INTS1: variants seen among roughly 807,000 people sequenced by gnomAD.
INTS1 encodes the protein integrator complex subunit 1.
INTS1 carries 137 observed loss-of-function variants against 241.6 expected under a neutral mutation model. That is an observed-to-expected ratio of 0.57 (90% CI 0.49 to 0.65). INTS1 has a LOEUF of 0.65. INTS1 is among the 30% of genes least tolerant of loss of function. INTS1 has a pLI of 0.00. For missense variants in INTS1, 3,073 were observed against 3,032.2 expected (o/e 1.01, Z -0.32); for synonymous variants, 1,692 against 1,337.8 (o/e 1.26, Z -5.78).
At position 1,470,668 on chromosome 7, in the gene INTS1, C is replaced by A; in HGVS notation, c.6482G>T (p.Arg2161Leu). The A allele has an allele frequency of 6.3e-7, 1 of 1,576,466 alleles. No individual in the cohort carries two copies. The highest frequency in any genetic ancestry group is 8.6e-7 in the Non-Finnish European group (1 of 1,162,180). Residue 2161 changes from arginine to leucine, a missense_variant, in exon 48 of 48, where the codon CGG becomes CTG. Arg to Leu is a moderately radical substitution (Grantham distance 102). Transcript: ENST00000404767. ...GCCGTACATGCCCACCAGGAAGGCCCGGTGGAGCAGCACAGCCGCGTGCTC... is the reference window on the plus strand; with the variant it reads ...GCCGTACATGCCCACCAGGAAGGCCAGGTGGAGCAGCACAGCCGCGTGCTC... ...CQEHAAVLLH[R>L]AFLVGMYGQM...
At chr7:1,478,185 A>C (rs943389149) in intron 33 of INTS1, among the ~76,000 whole-genome samples, 181 bp downstream of exon 33, 5 of 152,048 alleles carry the variant, frequency 3.3e-5, no homozygotes, top group East Asian at 1.9e-4. Context: ...CCAAGGAGGA[A>C]GCTCCAACTC....
At chr7:1,496,920 T>A (rs1782891001) in intron 11 of INTS1, among the ~76,000 whole-genome samples, 1 of 152,112 alleles carries the variant, frequency 6.6e-6, no homozygotes, top group Admixed American at 6.5e-5. Context: ...GGTTGCCAGT[T>A]CCCCTGTGCT....
At position 1,485,103 on chromosome 7, in the gene INTS1, C is replaced by T; in HGVS notation, c.3256G>A (p.Ala1086Thr). The T allele has an allele frequency of 6.3e-7, 1 of 1,596,706 alleles. No homozygotes were observed. The highest frequency in any genetic ancestry group is 2.2e-5 in the East Asian group (1 of 44,810). The change falls in exon 24 of 48, where the codon GCC becomes ACC. Residue 1086 changes from alanine (A) to threonine (T), a missense_variant. Transcript: ENST00000404767. ...GGCTGACCCTGCTGCCTCACCAGGG[C>T]CAGGTCGCTGTGCTGGGCCTGCTCC... Reference protein sequence around the residue: ...VEEQAQHSDLALDVARLVVER... With the variant: ...VEEQAQHSDLTLDVARLVVER...
At chr7:1,477,966 C>A in intron 33 of INTS1, 30 bp from the exon 34 acceptor site, 1 of 1,605,658 alleles carries the variant, frequency 6.2e-7, no homozygotes, top group Non-Finnish European at 8.5e-7. Flanking sequence ...ACATGTGGGT[C>A]ACTCCCAGGT....
In INTS1 at chr7:1,477,662, A is replaced by G; in HGVS notation, c.4826T>C (p.Val1609Ala). Residue 1609 changes from valine (V) to alanine (A), a missense_variant, in exon 35 of 48, where the codon GTG becomes GCG. Transcript: ENST00000404767. ...GAGGCCTGACGAGGGCCCCAGCCGC[A>G]CGGCCTCCAGGCTGCAGGGAGAAGG... ...PGADGGSLEAVRLGPSSGLLV... is the reference protein window; with the variant it reads ...PGADGGSLEAARLGPSSGLLV... 1 of 1,595,416 alleles carries G rather than the reference A, an allele frequency of 6.3e-7. No individual in the cohort carries two copies. The highest frequency in any genetic ancestry group is 8.5e-7 in the Non-Finnish European group (1 of 1,171,448).
At chr7:1,494,987 C>G in intron 13 of INTS1, 94 bp from the exon 14 acceptor site, 2 of 1,447,848 alleles carry the variant, frequency 1.4e-6, no homozygotes. Context: ...CCACGGGCCC[C>G]AGCGCTCAGA....
At position 1,481,286 on chromosome 7, in the gene INTS1, G is replaced by T. The variant is rs371820628; in HGVS notation, c.3850+56C>A. The stretch of plus-strand genomic sequence containing the variant: ...GCACCCAGGCCCCAAAAGCCTGGCC[G>T]GGCTGGGGCTCGGTCAGCGTGTGTG... On this transcript the variant is annotated intron_variant, in intron 28 of 47. Transcript: ENST00000404767. This position sits in a 1 kb window ranked among gnomAD's most constrained non-coding sequence, Gnocchi z 6.8. 1 of 1,603,804 alleles carries T rather than the reference G, an allele frequency of 6.2e-7. No homozygotes were observed. The highest frequency in any genetic ancestry group is 1.1e-5 in the South Asian group (1 of 90,554).
At position 1,493,732 on chromosome 7, in the gene INTS1, C is replaced by T. The variant is rs970587538; in HGVS notation, c.2068+22G>A. ...GAGGGGAGCAGACCCAGCACAGGCG[C>T]CATCCCCTGCAGAAGCCATACCATC... On this transcript the variant is annotated intron_variant, in intron 15 of 47. Transcript: ENST00000404767. This position sits in a 1 kb window ranked among gnomAD's most constrained non-coding sequence, Gnocchi z 5.3. 1.1e-5 allele frequency: 17 copies of T among 1,561,034 alleles called. No individual in the cohort carries two copies. The highest frequency in any genetic ancestry group is 1.4e-5 in the Non-Finnish European group (16 of 1,154,222).
chr7:1,483,445 C>T (rs1782092352), intron 26 of INTS1: 4 of 490,076 alleles, frequency 8.2e-6, no homozygotes, highest in Admixed American at 6.6e-5. Context: ...CAGGCCTACA[C>T]GGTTAGGCTG....
chr7:1,479,228 C>T (rs1257600584), intron 31 of INTS1, among the ~76,000 whole-genome samples: 5 of 152,212 alleles, frequency 3.3e-5, no homozygotes, highest in East Asian at 3.9e-4. Flanking sequence ...AGGCGGACGC[C>T]GCACTGCCCC....
intron 43 of INTS1, 116 bp from the exon 44 acceptor site, chr7:1,472,502 C>G: frequency 1.5e-6 from 1 of 679,688 alleles, no homozygotes; most frequent in Non-Finnish European, 2.4e-6. Context: ...CCCAAGGTGC[C>G]TGCACACAGC....
Position 1,499,348 on chromosome 7 carries a change from T to A in INTS1, c.857A>T (p.His286Leu). 1.9e-6 allele frequency: 3 copies of A among 1,587,872 alleles called. No individual in the cohort carries two copies. The highest frequency in any genetic ancestry group is 2.6e-6 in the Non-Finnish European group (3 of 1,165,962). Residue 286 changes from histidine to leucine, a missense_variant, in exon 7 of 48, where the codon CAC becomes CTC. His to Leu is a moderately conservative substitution (Grantham distance 99). Transcript: ENST00000404767. ...GTCCTCCTCCTCCGTGAGGGAGGGGTGTGGGCTGCTCCCTGCAAACCAAGG... is the reference window on the plus strand; with the variant it reads ...GTCCTCCTCCTCCGTGAGGGAGGGGAGTGGGCTGCTCCCTGCAAACCAAGG... Reference protein sequence around the residue: ...AGDLGAGSSPHPSLTEEEDSQ... With the variant: ...AGDLGAGSSPLPSLTEEEDSQ...
At chr7:1,478,242 G>T in intron 33 of INTS1, 124 bp downstream of exon 33, 2 of 1,110,424 alleles carry the variant, frequency 1.8e-6, no homozygotes, top group Non-Finnish European at 2.6e-6. Flanking sequence ...GGACCTCTGT[G>T]GGCACTTTCC....
At chr7:1,471,332 GC>G in intron 45 of INTS1, 108 bp from the exon 46 acceptor site, 1 of 1,202,982 alleles carries the variant, frequency 8.3e-7, no homozygotes, top group Non-Finnish European at 1.2e-6. Flanking sequence ...GGGACCCTAG[GC>G]CCCTATCCAG....
Position 1,476,291 on chromosome 7 carries a change from G to A in INTS1, c.5316C>T (p.Asp1772=), listed in dbSNP as rs762941977. ...LPLLLSCCCG[D]DESVRKVTEH... is the part of the protein sequence containing the mutation. ...CCGTCACCTTCCTGACACTCTCATC[G>A]TCCCCACAGCAGCAGCTGAGCAGCA... is the stretch of plus-strand genomic sequence containing the variant. Residue 1772 remains aspartate, a synonymous_variant, in exon 38 of 48, where the codon GAC becomes GAT. Transcript: ENST00000404767. 26 of 1,585,960 alleles carry A rather than the reference G, an allele frequency of 1.6e-5. No homozygotes were observed. Among genetic ancestry groups the A allele is most frequent in the Middle Eastern group, 3.3e-4 (2 of 6,030 alleles).
At position 1,479,687 on chromosome 7, in the gene INTS1, G is replaced by T; in HGVS notation, c.4075-3C>A. 1 of 1,461,758 alleles carries T rather than the reference G, an allele frequency of 6.8e-7. No homozygotes were observed. 90.5% of individuals were successfully genotyped at this position (1,461,758 alleles called of 1,614,324 possible). A position where few individuals can be genotyped will look rare whatever the true frequency, so the allele number is the denominator to read the frequency against. On this transcript the variant is annotated splice_region_variant and splice_polypyrimidine_tract_variant and intron_variant, in intron 30 of 47. Coordinates refer to ENST00000404767, the MANE Select transcript of INTS1 (RefSeq NM_001080453.3). ...GGGTCCGGGCTGAGCGGGAAAATCT[G>T]GAACGGGGAAGGCCAGTGTCAGGAG...
Position 1,485,287 on chromosome 7 carries a change from C to T in INTS1, c.3156+3G>A. 1 of 1,605,192 alleles carries T rather than the reference C, an allele frequency of 6.2e-7. No individual in the cohort carries two copies. Among genetic ancestry groups the T allele is most frequent in the South Asian group, 1.1e-5 (1 of 90,896 alleles). On this transcript the variant is annotated splice_donor_region_variant and intron_variant, in intron 23 of 47. Transcript: ENST00000404767. ...CTGCCGCGGCCCCGGTCAGCGCCCT[C>T]ACCTGCTGCAGGGCCAGGGCTGTGG... is the stretch of plus-strand genomic sequence containing the variant.
rs199765283 is a variant in INTS1 at position 1,500,003 on chromosome 7, G to A, written c.565C>T (p.Arg189Trp). 1.7e-5 allele frequency: 27 copies of A among 1,613,418 alleles called. No homozygotes were observed. In the East Asian group the frequency reaches 1.8e-4, roughly 11 times the overall value. Reference protein sequence around the residue: ...GVIEALCSLLRRDASINFKAK... With the variant: ...GVIEALCSLLWRDASINFKAK... ...TTGAAGTTGATGGAGGCGTCCCGCC[G>A]CAGGAGGCTACACAGAGCCTGCCAG... The change falls in exon 5 of 48, where the codon CGG becomes TGG. Residue 189 changes from arginine (R) to tryptophan (W), a missense_variant. Transcript: ENST00000404767.
Position 1,471,677 on chromosome 7 carries a change from G to A in INTS1, c.6185-36C>T, listed in dbSNP as rs758799701. 96 of 1,603,888 alleles carry A rather than the reference G, an allele frequency of 6.0e-5. No individual in the cohort carries two copies. The Admixed American group carries it at 1.5e-3, about 26-fold the overall frequency. ...GAGAGGGCCAGACCAGAACTGAAGG[G>A]CCCAGGCAGACCTCTGCCCACCCCA... is the stretch of plus-strand genomic sequence containing the variant. On this transcript the variant is annotated intron_variant, in intron 44 of 47. Coordinates refer to ENST00000404767, the MANE Select transcript of INTS1 (RefSeq NM_001080453.3).
Sources: gnomAD v4.1 joint callset for allele counts (sites outside exome capture counted in the v4.1 genomes callset) on GRCh38, gnomAD v4.1.1 for gene constraint, Gnocchi (gnomAD v3.1) non-coding constraint, MANE v1.5 for transcripts, NCBI Gene and HGNC (gene_info 2026-07-23, HGNC 2026-07-21) for gene names.